Variants in CTNND1 observed in about 807,000 individuals in gnomAD.
CTNND1 encodes catenin delta 1.
CTNND1 carries 16 observed loss-of-function variants against 112.1 expected under a neutral mutation model. The observed-to-expected ratio is 0.14, with a 90% CI of 0.10 to 0.22. CTNND1 has a LOEUF of 0.22. Ranked by LOEUF, CTNND1 falls within the 10% of genes least tolerant of loss-of-function variation. The probability of loss-of-function intolerance (pLI) is 1.00; values close to 1 mark genes in which losing one functional copy is unlikely to be tolerated. For synonymous variants in CTNND1, 420 were observed against 446.5 expected, an observed-to-expected ratio of 0.94 and a Z score of 0.75; for missense variants, 1,008 against 1,257.0, an observed-to-expected ratio of 0.80 and a Z score of 3.00.
At chr11:57,762,888 T>A (rs1950187415) in intron 1 of CTNND1, among the ~76,000 whole-genome samples, 1 of 152,244 alleles carries the variant, frequency 6.6e-6, no homozygotes, top group South Asian at 2.1e-4. Flanking sequence ...TCATGCTTTT[T>A]ATTTCACCTG....
intron 3 of CTNND1, 105 bp from the exon 4 acceptor site, chr11:57,793,905 T>C: frequency 9.3e-7 from 1 of 1,075,854 alleles, no homozygotes. Flanking sequence ...AGGCCACACA[T>C]ATCTTCTTGA....
At position 57,809,565 on chromosome 11, in the gene CTNND1, C is replaced by T. The variant is rs12292079; in HGVS notation, c.2435+99C>T. 1,861 of 1,043,180 alleles carry T rather than the reference C, an allele frequency of 1.8e-3. 35 individuals carry two copies. The African/African-American group carries it at 0.026, about 15-fold the overall frequency. The allele number at this position is 1,043,180 out of a possible 1,614,324, so 64.6% of individuals were successfully genotyped here. A position where few individuals can be genotyped will look rare whatever the true frequency, so the allele number is the denominator to read the frequency against. Reference sequence around the variant, plus strand: ...AAGAAAGGAAATTTCCCCTTATTTACGTGTAATGTGTGAAGAGCTATTGCT... The same window carrying T: ...AAGAAAGGAAATTTCCCCTTATTTATGTGTAATGTGTGAAGAGCTATTGCT... On this transcript the variant is annotated intron_variant, in intron 15 of 20. Coordinates refer to ENST00000399050, the MANE Select transcript of CTNND1 (RefSeq NM_001085458.2).
At chr11:57,804,593 A>T in intron 8 of CTNND1, 70 bp from the exon 9 acceptor site, 2 of 1,092,378 alleles carry the variant, frequency 1.8e-6, no homozygotes, top group Non-Finnish European at 2.8e-6. Flanking sequence ...GGAATCTTGT[A>T]GGTGTTGAGG....
At position 57,802,066 on chromosome 11, in the gene CTNND1, A is replaced by C; in HGVS notation, c.1290A>C (p.Gly430=). 2 of 1,614,004 alleles carry C rather than the reference A, an allele frequency of 1.2e-6. No individual in the cohort carries two copies. The highest frequency in any genetic ancestry group is 1.7e-6 in the Non-Finnish European group (2 of 1,179,890). ...PKKEVHLGAC[G]ALKNISFGRD... is the part of the protein sequence containing the mutation. Reference sequence around the variant, plus strand: ...AGGAAGTGCACCTTGGAGCCTGTGGAGCTCTCAAGAATATCTCTTTTGGAC... The same window carrying C: ...AGGAAGTGCACCTTGGAGCCTGTGGCGCTCTCAAGAATATCTCTTTTGGAC... The change falls in exon 7 of 21, where the codon GGA becomes GGC. Residue 430 remains glycine (G), a synonymous_variant. Transcript: ENST00000399050.
intron 2 of CTNND1, 101 bp from the exon 3 acceptor site, chr11:57,791,284 G>A: frequency 9.3e-7 from 1 of 1,080,128 alleles, no homozygotes; most frequent in Non-Finnish European, 1.2e-6. Context: ...CTGCACTGCA[G>A]TAAAACCACG....
chr11:57,815,942 G>T lies in CTNND1; in HGVS notation c.2836G>T (p.Glu946Ter). ...GGACGAGGGGCAGGAATCTCTGGAGGAAGAGTTGGATGTGTTGGTTTTGGA... is the reference window on the plus strand; with the variant it reads ...GGACGAGGGGCAGGAATCTCTGGAGTAAGAGTTGGATGTGTTGGTTTTGGA... Reference protein sequence around the residue: ...MQDEGQESLEEELDVLVLDDE... With the variant: ...MQDEGQESLE The change falls in exon 20 of 21, where the codon GAA (glutamate) becomes TAA (stop). Residue 946 changes from glutamate to a stop codon, truncating the protein, a stop_gained. Coordinates refer to ENST00000399050, the MANE Select transcript of CTNND1 (RefSeq NM_001085458.2). LOFTEE classifies it high-confidence loss of function. 1 of 1,607,116 alleles carries T rather than the reference G, an allele frequency of 6.2e-7. No homozygotes were observed. Among genetic ancestry groups the T allele is most frequent in the Non-Finnish European group, 8.5e-7 (1 of 1,178,352 alleles).
chr11:57,804,631 G>C, intron 8 of CTNND1, 32 bp from the exon 9 acceptor site: 1 of 1,543,728 alleles, frequency 6.5e-7, no homozygotes, highest in African/African-American at 1.4e-5. Context: ...TTCTGGATTT[G>C]AGTCATCTTG....
chr11:57,806,128 T>C, intron 10 of CTNND1, 93 bp downstream of exon 10: 1 of 1,446,094 alleles, frequency 6.9e-7, no homozygotes, highest in East Asian at 2.5e-5. Flanking sequence ...GGCAACAGTA[T>C]GGGAGTCTGC....
At position 57,815,945 on chromosome 11, in the gene CTNND1, G is replaced by C; in HGVS notation, c.2839G>C (p.Glu947Gln). The C allele has an allele frequency of 6.2e-7, 1 of 1,605,426 alleles. No homozygotes were observed. The highest frequency in any genetic ancestry group is 8.5e-7 in the Non-Finnish European group (1 of 1,177,962). Residue 947 changes from glutamate (E) to glutamine (Q), a missense_variant, in exon 20 of 21, where the codon GAG becomes CAG. Coordinates refer to ENST00000399050, the MANE Select transcript of CTNND1 (RefSeq NM_001085458.2). ...CGAGGGGCAGGAATCTCTGGAGGAA[G>C]AGTTGGATGTGTTGGTTTTGGATGA... ...QDEGQESLEE[E>Q]LDVLVLDDEG...
In CTNND1 at chr11:57,817,561, T is replaced by G. The variant is rs555276151; in HGVS notation, c.*1253T>G. 2.6e-5 allele frequency: 4 copies of G among 152,786 alleles called. No homozygotes were observed. Among genetic ancestry groups the G allele is most frequent in the East Asian group, 3.9e-4 (2 of 5,188 alleles). The allele number at this position is 152,786 out of a possible 1,614,324, so 9.5% of individuals were successfully genotyped here. On this transcript the variant is annotated 3_prime_UTR_variant, in exon 21 of 21. Coordinates refer to ENST00000399050, the MANE Select transcript of CTNND1 (RefSeq NM_001085458.2). ...CCTCAGATTCTTCATTGAGGATTGG[T>G]ATAGCCATGATTTCAGTCATAGCAA...
chr11:57,812,337 T>C (rs1210686310), intron 17 of CTNND1, among the ~76,000 whole-genome samples: 1 of 152,088 alleles, frequency 6.6e-6, no homozygotes, highest in Non-Finnish European at 1.5e-5. Flanking sequence ...CTGGCCAACA[T>C]GGTGAAACCC....
At position 57,791,646 on chromosome 11, in the gene CTNND1, C is replaced by T. The variant is rs2060759565; in HGVS notation, c.168C>T (p.Ala56=). The T allele has an allele frequency of 3.2e-6, 5 of 1,584,460 alleles. No homozygotes were observed. The highest frequency in any genetic ancestry group is 4.3e-6 in the Non-Finnish European group (5 of 1,162,026). Residue 56 remains alanine, a synonymous_variant, in exon 3 of 21, where the codon GCC becomes GCT. Transcript: ENST00000399050. ...VSPQDANPLM[A]NGTLTRRHQN... ...CACAAGATGCCAACCCACTCATGGC[C>T]AACGGCACACTCACCCGCCGGCATC...
At chr11:57,776,656 CAA>C (rs1954300827) in intron 1 of CTNND1, among the ~76,000 whole-genome samples, 1 of 152,136 alleles carries the variant, frequency 6.6e-6, no homozygotes, top group African/African-American at 2.4e-5. Context: ...AATATGTCTG[CAA>C]AGAGTCTGAG....
At chr11:57,789,005 C>T (rs1565315826) in intron 1 of CTNND1, 32 bp from the exon 2 acceptor site, 3 of 1,435,320 alleles carry the variant, frequency 2.1e-6, no homozygotes, top group South Asian at 1.2e-5. Flanking sequence ...ATTTTCCTCT[C>T]ATTCCCATTT....
chr11:57,787,513 T>C (rs1008841967), intron 1 of CTNND1, among the ~76,000 whole-genome samples: 1 of 152,240 alleles, frequency 6.6e-6, no homozygotes, highest in African/African-American at 2.4e-5. Context: ...TCACAACAAC[T>C]CTGAGTTAGA....
intron 6 of CTNND1, 86 bp downstream of exon 6, chr11:57,797,078 G>C: frequency 8.1e-7 from 1 of 1,234,096 alleles, no homozygotes; most frequent in Non-Finnish European, 1.1e-6. Context: ...GGGGCTTTTT[G>C]GGATCAGAGA....
chr11:57,815,641 G>A (rs542942576), intron 19 of CTNND1, 141 bp downstream of exon 19: 2 of 849,282 alleles, frequency 2.4e-6, no homozygotes, highest in Non-Finnish European at 4.1e-6. Flanking sequence ...TAAGAGTTCT[G>A]ACTCATGTTG....
chr11:57,794,125 C>T (rs779164596), intron 4 of CTNND1, 44 bp downstream of exon 4: 49 of 1,552,288 alleles, frequency 3.2e-5, no homozygotes, highest in Non-Finnish European at 4.1e-5. Flanking sequence ...TTCATATTTT[C>T]TTATTTCCCC....
chr11:57,802,311 G>T, intron 7 of CTNND1, 115 bp downstream of exon 7: 1 of 920,718 alleles, frequency 1.1e-6, no homozygotes, highest in Non-Finnish European at 1.6e-6. Context: ...ACTGGTGGCT[G>T]TGGGTCAAAT....
Sources: gnomAD v4.1 joint callset for allele counts (sites outside exome capture counted in the v4.1 genomes callset) on GRCh38, gnomAD v4.1.1 for gene constraint, MANE v1.5 for transcripts, NCBI Gene and HGNC (gene_info 2026-07-23, HGNC 2026-07-21) for gene names.